CLSTN2: variants seen among roughly 807,000 people sequenced by gnomAD.
CLSTN2 encodes calsyntenin 2.
A neutral mutation model predicts 101.2 loss-of-function variants in CLSTN2; 48 were observed. The ratio of observed to expected loss-of-function variants is 0.47; its 90% CI spans 0.38 to 0.60. CLSTN2 has a LOEUF of 0.60. Among genes scored for constraint, CLSTN2 ranks in the 20% least tolerant of loss-of-function variants. The probability of loss-of-function intolerance (pLI) is 0.00; values close to 1 mark genes in which losing one functional copy is unlikely to be tolerated. For missense variants in CLSTN2, 1,160 were observed against 1,238.2 expected, an observed-to-expected ratio of 0.94 and a Z score of 0.95; for synonymous variants, 481 against 463.6, an observed-to-expected ratio of 1.04 and a Z score of -0.48.
chr3:140,104,565 C>T (rs2009021340), intron 1 of CLSTN2, among the ~76,000 whole-genome samples: 1 of 152,134 alleles, frequency 6.6e-6, no homozygotes, highest in Non-Finnish European at 1.5e-5. Flanking sequence ...CTAGCTTATA[C>T]AAAATGCTCG....
intron 1 of CLSTN2, among the ~76,000 whole-genome samples, chr3:140,116,249 A>G (rs1413137028): frequency 1.3e-5 from 2 of 152,196 alleles, no homozygotes; most frequent in African/African-American, 2.4e-5. Flanking sequence ...AGTAAAATTC[A>G]TTTTAAAAGG....
intron 2 of CLSTN2, among the ~76,000 whole-genome samples, chr3:140,283,089 T>C (rs2086864028): frequency 6.6e-6 from 1 of 152,142 alleles, no homozygotes; most frequent in Non-Finnish European, 1.5e-5. Flanking sequence ...ATTTTCCAAT[T>C]GTAAGCAGAC....
intron 1 of CLSTN2, among the ~76,000 whole-genome samples, chr3:140,005,044 T>G (rs1166888794): frequency 6.6e-6 from 1 of 152,104 alleles, no homozygotes; most frequent in South Asian, 2.1e-4. Context: ...GAAAGAGTGG[T>G]GGTCTGTGGC....
chr3:140,364,953 G>A (rs577289183), intron 2 of CLSTN2, among the ~76,000 whole-genome samples: 32 of 152,280 alleles, frequency 2.1e-4, no homozygotes, highest in African/African-American at 7.7e-4. Context: ...TAGAAAACTA[G>A]TAGTTTTAAC....
chr3:140,563,577 G>A (rs1935966717), intron 15 of CLSTN2, among the ~76,000 whole-genome samples: 1 of 152,094 alleles, frequency 6.6e-6, no homozygotes, highest in Non-Finnish European at 1.5e-5. Context: ...TTGCCATATT[G>A]TGTTACCATC....
At chr3:140,021,445 T>C (rs1439827691) in intron 1 of CLSTN2, among the ~76,000 whole-genome samples, 1 of 152,202 alleles carries the variant, frequency 6.6e-6, no homozygotes, top group East Asian at 1.9e-4. Flanking sequence ...GAGCCAGGCA[T>C]GCATCATCCT....
intron 2 of CLSTN2, among the ~76,000 whole-genome samples, chr3:140,328,433 G>A (rs1221204228): frequency 6.6e-6 from 1 of 152,070 alleles, no homozygotes; most frequent in Non-Finnish European, 1.5e-5. Context: ...TAAAACATTT[G>A]GGATTTTAGG....
intron 1 of CLSTN2, among the ~76,000 whole-genome samples, chr3:140,161,712 C>T (rs2010049639): frequency 1.3e-5 from 2 of 152,112 alleles, no homozygotes. Flanking sequence ...CTTCTCTCCC[C>T]ACTCTCTTCC....
chr3:140,019,334 A>T (rs1044673439), intron 1 of CLSTN2, among the ~76,000 whole-genome samples: 1 of 152,178 alleles, frequency 6.6e-6, no homozygotes, highest in African/African-American at 2.4e-5. Flanking sequence ...TCATCCAATC[A>T]TTTGAAGGCC....
chr3:140,566,373 G>C lies in CLSTN2; in HGVS notation c.*120G>C, dbSNP rs975267909. On this transcript the variant is annotated 3_prime_UTR_variant, in exon 17 of 17. Coordinates refer to ENST00000458420, the MANE Select transcript of CLSTN2 (RefSeq NM_022131.3). ...GACATGTCTGGGAAGGCCTTCTCCA[G>C]CTTCCTGGAGCCCACCCTTTAAGCC... The C allele has an allele frequency of 6.1e-6, 6 of 990,208 alleles. No homozygotes were observed. Among genetic ancestry groups the C allele is most frequent in the Non-Finnish European group, 7.6e-6 (5 of 658,718 alleles). 61.3% of individuals were successfully genotyped at this position (990,208 alleles called of 1,614,324 possible). A position where few individuals can be genotyped will look rare whatever the true frequency, so the allele number is the denominator to read the frequency against.
chr3:140,122,686 C>A (rs1044142207), intron 1 of CLSTN2, among the ~76,000 whole-genome samples: 3 of 152,140 alleles, frequency 2.0e-5, no homozygotes, highest in African/African-American at 7.2e-5. Context: ...TGGTGCTGCA[C>A]CCTCTCCAGA....
At chr3:140,084,345 A>G (rs1289238373) in intron 1 of CLSTN2, among the ~76,000 whole-genome samples, 1 of 152,200 alleles carries the variant, frequency 6.6e-6, no homozygotes, top group African/African-American at 2.4e-5. Flanking sequence ...AACTGAATGA[A>G]GTACTGGGCA....
Position 140,501,429 on chromosome 3 carries a change from G to A in CLSTN2, c.1345-30895G>A, listed in dbSNP as rs919522056. Among the ~76,000 whole-genome samples, 11 of 151,072 alleles carry A rather than the reference G, an allele frequency of 7.3e-5. No individual in the cohort carries two copies. In the East Asian group the frequency reaches 1.4e-3, roughly 19 times the overall value. On this transcript the variant is annotated intron_variant, in intron 8 of 16. Transcript: ENST00000458420. ...ATGCAGGAAGGAGGGGCACCCTTGC[G>A]TCCTTAGGGATTAAATGAAATCCTT...
chr3:140,490,846 G>A (rs1375895119), intron 8 of CLSTN2, among the ~76,000 whole-genome samples: 2 of 152,142 alleles, frequency 1.3e-5, no homozygotes, highest in Admixed American at 1.3e-4. Flanking sequence ...ATGTAGCCAG[G>A]AAGCATTCAT....
chr3:140,054,360 A>G (rs2008057376), intron 1 of CLSTN2, among the ~76,000 whole-genome samples: 2 of 152,204 alleles, frequency 1.3e-5, no homozygotes, highest in Non-Finnish European at 1.5e-5. Context: ...CCTCAATGAT[A>G]GTGCCATTCT....
At chr3:140,037,531 C>G (rs1367033853) in intron 1 of CLSTN2, among the ~76,000 whole-genome samples, 1 of 148,998 alleles carries the variant, frequency 6.7e-6, no homozygotes, top group African/African-American at 2.5e-5. Context: ...TTTCTTTTTT[C>G]TTATGCATTC....
At chr3:140,404,431 C>T in intron 3 of CLSTN2, 127 bp from the exon 4 acceptor site, 1 of 777,976 alleles carries the variant, frequency 1.3e-6, no homozygotes, top group East Asian at 2.7e-5. Flanking sequence ...CAGACAACTG[C>T]CACAATTGGC....
intron 2 of CLSTN2, among the ~76,000 whole-genome samples, chr3:140,244,307 G>A (rs1348189132): frequency 1.3e-5 from 2 of 152,198 alleles, no homozygotes; most frequent in East Asian, 3.9e-4. Flanking sequence ...GTGGTAGTCA[G>A]CTAGAAGGGA....
intron 1 of CLSTN2, among the ~76,000 whole-genome samples, chr3:140,074,030 T>TTTTCAGCCTGGC: frequency 6.6e-6 from 1 of 152,248 alleles, no homozygotes; most frequent in East Asian, 1.9e-4. Flanking sequence ...TGCTGCCTGG[T>TTTTCAGCCTGGC]GGTTTTCAGC....
Sources: gnomAD v4.1 joint callset for allele counts (sites outside exome capture counted in the v4.1 genomes callset) on GRCh38, gnomAD v4.1.1 for gene constraint, MANE v1.5 for transcripts, NCBI Gene and HGNC (gene_info 2026-07-23, HGNC 2026-07-21) for gene names.